Variants in PUM1 observed in about 807,000 individuals in gnomAD.
PUM1 encodes pumilio homolog 1.
In PUM1, 13 loss-of-function variants were observed where a neutral mutation model predicts 131.8. The ratio of observed to expected loss-of-function variants is 0.10; its 90% CI spans 0.06 to 0.16. The LOEUF (loss-of-function observed/expected upper bound fraction) is 0.16, where lower values mean the gene tolerates loss of function less well. PUM1 is among the 10% of genes least tolerant of loss of function. PUM1 has a pLI of 1.00. For synonymous variants in PUM1, 509 were observed against 556.5 expected (o/e 0.91, Z 1.20); for missense variants, 961 against 1,512.4 (o/e 0.64, Z 6.05).
At chr1:31,026,268 AAAAG>A (rs1557592462) in intron 3 of PUM1, among the ~76,000 whole-genome samples, 2 of 150,414 alleles carry the variant, frequency 1.3e-5, no homozygotes, top group African/African-American at 2.4e-5. Flanking sequence ...AAAAAAAAAA[AAAAG>A]AAAAGGAAAA....
chr1:31,018,621 G>T (rs533912753), intron 3 of PUM1, among the ~76,000 whole-genome samples: 1 of 152,280 alleles, frequency 6.6e-6, no homozygotes, highest in East Asian at 1.9e-4. Flanking sequence ...TCATGGCACC[G>T]TAATCCAGCC....
intron 9 of PUM1, among the ~76,000 whole-genome samples, chr1:30,977,489 T>C (rs1328548288): frequency 2.6e-5 from 4 of 152,230 alleles, no homozygotes; most frequent in African/African-American, 9.6e-5. Flanking sequence ...CAACTGGCAT[T>C]TCTACTACTA....
intron 14 of PUM1, among the ~76,000 whole-genome samples, chr1:30,955,189 C>A (rs1464462621): frequency 6.6e-6 from 1 of 151,772 alleles, no homozygotes; most frequent in Non-Finnish European, 1.5e-5. Flanking sequence ...GGGACGGTGG[C>A]TCATGCCTGT....
chr1:30,979,972 T>C (rs933279344), intron 9 of PUM1, 90 bp downstream of exon 9: 2 of 863,946 alleles, frequency 2.3e-6, no homozygotes, highest in East Asian at 2.7e-5. Flanking sequence ...ACTGGAGACA[T>C]GGATTTGGGA....
intron 17 of PUM1, among the ~76,000 whole-genome samples, chr1:30,948,610 G>A (rs1250460165): frequency 6.6e-6 from 1 of 152,134 alleles, no homozygotes; most frequent in Non-Finnish European, 1.5e-5. Context: ...CATTAACCAG[G>A]GGAAGTGGCG....
intron 21 of PUM1, 52 bp downstream of exon 21, chr1:30,936,591 G>A: frequency 6.6e-7 from 1 of 1,511,192 alleles, no homozygotes; most frequent in Non-Finnish European, 9.0e-7. Flanking sequence ...GTTTCAGAAA[G>A]GAAGCCAAGG....
At chr1:30,993,708 G>A (rs1420924242) in intron 6 of PUM1, among the ~76,000 whole-genome samples, 1 of 152,228 alleles carries the variant, frequency 6.6e-6, no homozygotes, top group South Asian at 2.1e-4. Context: ...AAGGTGGAGA[G>A]GACACCTGAA....
intron 3 of PUM1, among the ~76,000 whole-genome samples, chr1:31,025,608 TAC>T (rs1643194573): frequency 1.5e-5 from 2 of 137,016 alleles, no homozygotes; most frequent in African/African-American, 2.8e-5. Flanking sequence ...CAGGCTGGAG[TAC>T]AGTGGCACTA....
chr1:30,968,390 G>A lies in PUM1; in HGVS notation c.1609C>T (p.Leu537Phe). The change falls in exon 11 of 22, where the codon CTT (leucine) becomes TTT (phenylalanine). Residue 537 changes from leucine (L) to phenylalanine (F), a missense_variant. Leu to Phe is a conservative substitution (Grantham distance 22). Around this residue, in one of 4 missense-constraint regions of PUM1, gnomAD observed 654 missense variants for 923.9 expected, o/e 0.71. Transcript: ENST00000426105. ...LVAAAAVNSA[L>F]AFGQGLAAGM... ...GCTGCCAGACCTTGTCCAAATGCAA[G>A]GGCAGAATTCACTGCTGCAGCTGCC... is the stretch of plus-strand genomic sequence containing the variant. 1 of 1,590,718 alleles carries A rather than the reference G, an allele frequency of 6.3e-7. No homozygotes were observed. The highest frequency in any genetic ancestry group is 8.6e-7 in the Non-Finnish European group (1 of 1,168,076).
chr1:31,019,604 A>G lies in PUM1; in HGVS notation c.432+9192T>C, dbSNP rs1381392237. Among the ~76,000 whole-genome samples, 2 of 152,194 alleles carry G rather than the reference A, an allele frequency of 1.3e-5. 1 individual carries two copies. The highest frequency in any genetic ancestry group is 4.1e-4 in the South Asian group (2 of 4,836). ...AAATACTGTTAGCACCTTACACTCC[A>G]TGTTATTTTGTCATGAATTAACCTG... On this transcript the variant is annotated intron_variant, in intron 3 of 21. Coordinates refer to ENST00000426105, the MANE Select transcript of PUM1 (RefSeq NM_001020658.2).
intron 5 of PUM1, among the ~76,000 whole-genome samples, chr1:31,005,631 C>CTTAAT (rs1642372324): frequency 6.6e-6 from 1 of 152,134 alleles, no homozygotes; most frequent in Non-Finnish European, 1.5e-5. Flanking sequence ...TGTGTCCCCC[C>CTTAAT]ACCAAAACAT....
rs552141690 is a variant in PUM1, at chr1:30,975,346, TG to T, written c.1355-545del. On this transcript the variant is annotated intron_variant, in intron 9 of 21. Coordinates refer to ENST00000426105, the MANE Select transcript of PUM1 (RefSeq NM_001020658.2). The stretch of plus-strand genomic sequence containing the variant: ...CAACTTCAAAGTTGCTGTTACTGTT[TG>T]TTTTTTTTGTTTTTTTGTTTTTTGA... 6.4e-3 allele frequency among the ~76,000 whole-genome samples: 785 copies of T among 122,330 alleles called. 6 individuals carry two copies. The highest frequency in any genetic ancestry group is 0.021 in the African/African-American group (724 of 34,436). The allele number at this position is 122,330 out of a possible 152,430, so 80.3% of individuals were successfully genotyped here.
At chr1:31,040,493 T>C (rs1201335285) in intron 2 of PUM1, among the ~76,000 whole-genome samples, 2 of 152,132 alleles carry the variant, frequency 1.3e-5, no homozygotes, top group African/African-American at 4.8e-5. Flanking sequence ...TAAATAAAAA[T>C]AGCACTAGTA....
In PUM1 at chr1:31,025,545, C is replaced by CTTT. The variant is rs35510099; in HGVS notation, c.432+3248_432+3250dup. Among the ~76,000 whole-genome samples the CTTT allele has an allele frequency of 9.8e-3, 867 of 88,816 alleles. 12 individuals are homozygous for CTTT. The highest frequency in any genetic ancestry group is 0.017 in the East Asian group (44 of 2,614). The allele number at this position is 88,816 out of a possible 152,430, so 58.3% of individuals were successfully genotyped here. On this transcript the variant is annotated intron_variant, in intron 3 of 21. Coordinates refer to ENST00000426105, the MANE Select transcript of PUM1 (RefSeq NM_001020658.2). ...GGGTAAATACTGGTTTGTTTTTTGTCTTTTTTTTTTTTTTTTTTTTTTTTG... is the reference window on the plus strand; with the variant it reads ...GGGTAAATACTGGTTTGTTTTTTGTCTTTTTTTTTTTTTTTTTTTTTTTTTTTG...
intron 2 of PUM1, among the ~76,000 whole-genome samples, chr1:31,056,064 T>C (rs1644229717): frequency 6.6e-6 from 1 of 152,152 alleles, no homozygotes; most frequent in South Asian, 2.1e-4. Flanking sequence ...CCTCCTACCT[T>C]GATTTCCTGC....
At chr1:30,941,435 C>G (rs1373427946) in intron 19 of PUM1, among the ~76,000 whole-genome samples, 163 bp from the exon 20 acceptor site, 1 of 152,158 alleles carries the variant, frequency 6.6e-6, no homozygotes, top group Non-Finnish European at 1.5e-5. Context: ...TAACGTTCTT[C>G]TCTATTATTA....
chr1:30,940,665 C>A (rs1462678170), intron 20 of PUM1, among the ~76,000 whole-genome samples: 1 of 152,180 alleles, frequency 6.6e-6, no homozygotes, highest in Non-Finnish European at 1.5e-5. Flanking sequence ...GATTCCTTCT[C>A]CAACCTCTGC....
chr1:31,001,386 C>T (rs10914240), intron 5 of PUM1, among the ~76,000 whole-genome samples: 42,139 of 151,232 alleles, frequency 0.28, 7,485 homozygotes, highest in East Asian at 0.53. Flanking sequence ...AAAAAAAATT[C>T]AAATATTAAA....
At chr1:31,037,308 G>A (rs1643642194) in intron 2 of PUM1, 2 of 152,320 alleles carry the variant, frequency 1.3e-5, no homozygotes, top group Non-Finnish European at 2.9e-5. Flanking sequence ...TGACGTGACA[G>A]AAACTGTCCA....
Sources: allele counts gnomAD v4.1 joint callset (sites outside exome capture counted in the v4.1 genomes callset), GRCh38; gene constraint gnomAD v4.1.1; regional missense constraint gnomAD v4.1.1; transcripts MANE v1.5; gene names NCBI Gene and HGNC (gene_info 2026-07-23, HGNC 2026-07-21).